PRKAR1B: variants seen among roughly 807,000 people sequenced by gnomAD.
PRKAR1B encodes the protein protein kinase cAMP-dependent type I regulatory subunit beta.
PRKAR1B carries 22 observed loss-of-function variants against 46.5 expected under a neutral mutation model. The ratio of observed to expected loss-of-function variants is 0.47; its 90% CI spans 0.34 to 0.68. The LOEUF is 0.68. Among genes scored for constraint, PRKAR1B ranks in the 30% least tolerant of loss-of-function variants. The probability of loss-of-function intolerance (pLI) is 0.01; values close to 1 mark genes in which losing one functional copy is unlikely to be tolerated. For synonymous variants in PRKAR1B, 259 were observed against 217.7 expected (o/e 1.19, Z -1.67); for missense variants, 445 against 535.6 (o/e 0.83, Z 1.67).
intron 4 of PRKAR1B, among the ~76,000 whole-genome samples, chr7:618,829 A>C (rs1782968186): frequency 6.6e-6 from 1 of 152,142 alleles, no homozygotes; most frequent in African/African-American, 2.4e-5. Flanking sequence ...GGGTTTAGAT[A>C]TTGCAACTAT....
At chr7:696,059 C>T (rs1779722326) in intron 2 of PRKAR1B, among the ~76,000 whole-genome samples, 1 of 151,156 alleles carries the variant, frequency 6.6e-6, no homozygotes, top group African/African-American at 2.4e-5. Context: ...GCCTCGACCA[C>T]CCAGGCTCAA....
intron 4 of PRKAR1B, among the ~76,000 whole-genome samples, chr7:647,839 G>A (rs561109606): frequency 2.3e-5 from 3 of 130,752 alleles, no homozygotes; most frequent in South Asian, 2.6e-4. Flanking sequence ...AAACCTCCTC[G>A]CATGTTGTTT....
chr7:723,003 T>G (rs1781126075), intron 1 of PRKAR1B, among the ~76,000 whole-genome samples: 1 of 152,220 alleles, frequency 6.6e-6, no homozygotes, highest in South Asian at 2.1e-4. Context: ...CTGGGACTGC[T>G]GCTCATTTCC....
At chr7:702,453 G>C (rs942704275) in intron 2 of PRKAR1B, among the ~76,000 whole-genome samples, 14 of 152,134 alleles carry the variant, frequency 9.2e-5, no homozygotes, top group Non-Finnish European at 1.3e-4. Context: ...TTGAAAACTT[G>C]CCAAATTTCT....
At chr7:563,206 G>A (rs1007860401) in intron 9 of PRKAR1B, among the ~76,000 whole-genome samples, 2 of 152,184 alleles carry the variant, frequency 1.3e-5, no homozygotes, top group African/African-American at 4.8e-5. Flanking sequence ...CGGAGCTGAT[G>A]CCCCGTGCCC....
chr7:549,365 G>T lies in PRKAR1B; in HGVS notation c.*1065C>A, dbSNP rs1427296115. ...CATCGTAACCGCCAGCAGGGGAGGG[G>T]CTGCAACGAGCAGCCTCGGACCAAG... On this transcript the variant is annotated 3_prime_UTR_variant, in exon 11 of 11. Transcript: ENST00000537384. The T allele has an allele frequency of 6.6e-6, 1 of 152,250 alleles. No individual in the cohort carries two copies. Among genetic ancestry groups the T allele is most frequent in the Non-Finnish European group, 1.5e-5 (1 of 68,086 alleles). 9.4% of individuals were successfully genotyped at this position (152,250 alleles called of 1,614,324 possible).
intron 2 of PRKAR1B, among the ~76,000 whole-genome samples, chr7:688,090 C>T (rs1334614901): frequency 8.5e-6 from 1 of 117,698 alleles, no homozygotes; most frequent in Non-Finnish European, 1.7e-5. Flanking sequence ...ACCAACACTC[C>T]ACCTCAAAAA....
At chr7:582,887 C>A (rs150826738) in intron 8 of PRKAR1B, among the ~76,000 whole-genome samples, 114 of 152,348 alleles carry the variant, frequency 7.5e-4, no homozygotes, top group African/African-American at 2.6e-3. Flanking sequence ...CCTCTCGGCC[C>A]CTATAAAATC....
At chr7:558,077 G>A (rs969313218) in intron 9 of PRKAR1B, among the ~76,000 whole-genome samples, 3 of 152,076 alleles carry the variant, frequency 2.0e-5, no homozygotes, top group South Asian at 2.1e-4. Flanking sequence ...ACTTTGGGAC[G>A]CCGAGGTGGG....
chr7:550,258 A>G lies in PRKAR1B; in HGVS notation c.*172T>C, dbSNP rs560591461. The G allele has an allele frequency of 1.6e-6, 1 of 610,490 alleles. No individual in the cohort carries two copies. The allele number at this position is 610,490 out of a possible 1,614,324, so 37.8% of individuals were successfully genotyped here. A position where few individuals can be genotyped will look rare whatever the true frequency, so the allele number is the denominator to read the frequency against. On this transcript the variant is annotated 3_prime_UTR_variant, in exon 11 of 11. Transcript: ENST00000537384. ...CTTGTCCTTTGATTTGGAAATGCAC[A>G]AGGTGATCATTTATTCCAAAAAGTG...
chr7:560,980 C>T lies in PRKAR1B; in HGVS notation c.892-9510G>A, dbSNP rs528833673. ...GCACACATTTCCTGCCTGTGTGCTT[C>T]TGGACTTAGGCAGAAGCAGAATCCT... is the stretch of plus-strand genomic sequence containing the variant. On this transcript the variant is annotated intron_variant, in intron 9 of 10. Coordinates refer to ENST00000537384, the MANE Select transcript of PRKAR1B (RefSeq NM_001164760.2). This position sits in a 1 kb window ranked among gnomAD's most constrained non-coding sequence, Gnocchi z 4.2. 1.8e-4 allele frequency among the ~76,000 whole-genome samples: 28 copies of T among 152,266 alleles called. No individual in the cohort carries two copies. Among genetic ancestry groups the T allele is most frequent in the Admixed American group, 4.6e-4 (7 of 15,302 alleles).
In PRKAR1B at chr7:560,934, C is replaced by T. The variant is rs1219996128; in HGVS notation, c.892-9464G>A. 6.6e-6 allele frequency among the ~76,000 whole-genome samples: 1 copy of T among 152,210 alleles called. No homozygotes were observed. The highest frequency in any genetic ancestry group is 6.5e-5 in the Admixed American group (1 of 15,284). On this transcript the variant is annotated intron_variant, in intron 9 of 10. Transcript: ENST00000537384. This position sits in a 1 kb window ranked among gnomAD's most constrained non-coding sequence, Gnocchi z 4.2. The stretch of plus-strand genomic sequence containing the variant: ...GAGCCTGGAAAATTCAGGCTCACTC[C>T]AGTGCCTTTACGTTTCCTGTGCACA...
In PRKAR1B at chr7:593,291, T is replaced by TC. The variant is rs1781088259; in HGVS notation, c.708+2854dup. Among the ~76,000 whole-genome samples the TC allele has an allele frequency of 6.6e-6, 1 of 151,944 alleles. No individual in the cohort carries two copies. The highest frequency in any genetic ancestry group is 2.4e-5 in the African/African-American group (1 of 41,354). Reference sequence around the variant, plus strand: ...GAGACACCAGACCGGGTCTCCCGCGTCCCCCAGGTCCCAGCACGTCCCAGC... The same window carrying TC: ...GAGACACCAGACCGGGTCTCCCGCGTCCCCCCAGGTCCCAGCACGTCCCAGC... On this transcript the variant is annotated intron_variant, in intron 7 of 10. Transcript: ENST00000537384. This position sits in a 1 kb window ranked among gnomAD's most constrained non-coding sequence, Gnocchi z 6.1.
intron 4 of PRKAR1B, among the ~76,000 whole-genome samples, chr7:660,867 C>A (rs1476261667): frequency 7.6e-6 from 1 of 132,328 alleles, no homozygotes; most frequent in Non-Finnish European, 1.6e-5. Context: ...CTCTGCCCCC[C>A]ATGGCACAGG....
At chr7:621,032 T>C (rs1418599120) in intron 4 of PRKAR1B, among the ~76,000 whole-genome samples, 1 of 152,290 alleles carries the variant, frequency 6.6e-6, no homozygotes, top group Non-Finnish European at 1.5e-5. Context: ...ACATGTCACA[T>C]GCTCTTTCTC....
At chr7:616,741 T>A (rs1388176874) in intron 4 of PRKAR1B, among the ~76,000 whole-genome samples, 3 of 152,156 alleles carry the variant, frequency 2.0e-5, no homozygotes, top group African/African-American at 7.2e-5. Flanking sequence ...TGGTTCCCAG[T>A]CATGCCCGCG....
In PRKAR1B at chr7:584,585, A is replaced by G. The variant is rs1350169423; in HGVS notation, c.709-17T>C. On this transcript the variant is annotated splice_polypyrimidine_tract_variant and intron_variant, in intron 7 of 10. Transcript: ENST00000537384. ...CGTGCTGCCCTGTTCGGGAGAAAGTAAAAAACAGACAAGAAGGTGAATCTT... is the reference window on the plus strand; with the variant it reads ...CGTGCTGCCCTGTTCGGGAGAAAGTGAAAAACAGACAAGAAGGTGAATCTT... 4 of 1,607,282 alleles carry G rather than the reference A, an allele frequency of 2.5e-6. No individual in the cohort carries two copies. Among genetic ancestry groups the G allele is most frequent in the Non-Finnish European group, 3.4e-6 (4 of 1,175,116 alleles).
At chr7:675,778 T>C (rs1395976849) in intron 4 of PRKAR1B, among the ~76,000 whole-genome samples, 1 of 152,046 alleles carries the variant, frequency 6.6e-6, no homozygotes, top group African/African-American at 2.4e-5. Flanking sequence ...AAAACCCATC[T>C]CTACTAAAAA....
At chr7:611,011 G>A (rs560507417) in intron 4 of PRKAR1B, among the ~76,000 whole-genome samples, 2 of 152,282 alleles carry the variant, frequency 1.3e-5, no homozygotes, top group African/African-American at 4.8e-5. Context: ...CCCTTCCTGC[G>A]GGGGCCGAGG....
Sources: gnomAD v4.1 joint callset for allele counts (sites outside exome capture counted in the v4.1 genomes callset) on GRCh38, gnomAD v4.1.1 for gene constraint, Gnocchi (gnomAD v3.1) non-coding constraint, MANE v1.5 for transcripts, NCBI Gene and HGNC (gene_info 2026-07-23, HGNC 2026-07-21) for gene names.